The following RBFOX2 variants were observed in gnomAD, a reference collection of about 807,000 sequenced individuals.
The protein encoded by RBFOX2 is RNA binding protein fox-1 homolog 2.
RBFOX2 carries 10 observed loss-of-function variants against 49.1 expected under a neutral mutation model. The ratio of observed to expected loss-of-function variants is 0.20; its 90% confidence interval spans 0.13 to 0.35. RBFOX2 has a LOEUF of 0.35. RBFOX2 is among the 10% of genes least tolerant of loss of function. The pLI, the probability that RBFOX2 is intolerant of heterozygous loss-of-function variation, is 1.00. For missense variants in RBFOX2, 323 were observed against 486.9 expected, an observed-to-expected ratio of 0.66 and a Z score of 3.17; for synonymous variants, 183 against 187.4, an observed-to-expected ratio of 0.98 and a Z score of 0.19.
intron 1 of RBFOX2, among the ~76,000 whole-genome samples, chr22:35,821,240 A>G (rs1432989962): frequency 6.6e-6 from 1 of 151,766 alleles, no homozygotes; most frequent in Non-Finnish European, 1.5e-5. Flanking sequence ...TTTATTTTTT[A>G]TCTTTATCAA....
rs146476066 is a variant in RBFOX2 at position 35,880,504 on chromosome 22, A to G, written c.-34+58343T>C. 2.5e-4 allele frequency among the ~76,000 whole-genome samples: 38 copies of G among 152,328 alleles called. No individual in the cohort carries two copies. In the East Asian group the frequency reaches 6.2e-3, roughly 25 times the overall value. On this transcript the variant is annotated intron_variant, in intron 1 of 13. Coordinates refer to the RBFOX2 transcript ENST00000359369. The stretch of plus-strand genomic sequence containing the variant: ...AGAGGTATACATTTGAGAGCCAAGA[A>G]CATACAGACAGAATTTAACACCCAG...
intron 1 of RBFOX2, among the ~76,000 whole-genome samples, chr22:35,972,561 G>A (rs748021428): frequency 2.6e-5 from 4 of 152,044 alleles, no homozygotes; most frequent in Non-Finnish European, 5.9e-5. Context: ...TCCTTCCTAG[G>A]TCTCTATTTT....
upstream of RBFOX2, among the ~76,000 whole-genome samples, chr22:35,842,704 C>T (rs979401540): frequency 2.0e-5 from 3 of 152,068 alleles, no homozygotes; most frequent in Admixed American, 6.6e-5. Context: ...CAATGTCCCC[C>T]GCCCCCATCC....
intron 1 of RBFOX2, among the ~76,000 whole-genome samples, chr22:35,872,173 GT>G (rs1399275312): frequency 1.3e-5 from 2 of 152,154 alleles, no homozygotes; most frequent in Admixed American, 1.3e-4. Flanking sequence ...GTTAATGACT[GT>G]AAAATGCTTG....
chr22:35,879,883 C>T (rs922120964), intron 1 of RBFOX2, among the ~76,000 whole-genome samples: 12 of 152,276 alleles, frequency 7.9e-5, no homozygotes, highest in South Asian at 4.1e-4. Flanking sequence ...AGGATGGGCA[C>T]GGCAGCTCAC....
At chr22:35,752,454 C>CTGAG (rs1311716569) in intron 9 of RBFOX2, among the ~76,000 whole-genome samples, 5 of 152,244 alleles carry the variant, frequency 3.3e-5, no homozygotes, top group Non-Finnish European at 5.9e-5. Flanking sequence ...GTGGGCACTG[C>CTGAG]TGAGGTAGCA....
chr22:35,752,383 G>A (rs1213232686), intron 9 of RBFOX2, among the ~76,000 whole-genome samples: 2 of 152,216 alleles, frequency 1.3e-5, no homozygotes, highest in African/African-American at 4.8e-5. Context: ...GCTGGGATAT[G>A]TGTCAAGAGG....
intron 1 of RBFOX2, among the ~76,000 whole-genome samples, chr22:35,979,313 C>T (rs1445506593): frequency 6.6e-6 from 1 of 152,122 alleles, no homozygotes; most frequent in Non-Finnish European, 1.5e-5. Flanking sequence ...AGATACCGGA[C>T]CAAAAAGGAA....
chr22:35,816,225 T>G (rs539873176), intron 1 of RBFOX2, among the ~76,000 whole-genome samples: 1 of 152,286 alleles, frequency 6.6e-6, no homozygotes, highest in Non-Finnish European at 1.5e-5. Flanking sequence ...ATCCCAAATC[T>G]CCTTCCTTCA....
chr22:35,903,390 T>G (rs886490090), intron 1 of RBFOX2, among the ~76,000 whole-genome samples: 2 of 152,218 alleles, frequency 1.3e-5, no homozygotes, highest in Non-Finnish European at 2.9e-5. Context: ...CACTGGTTAC[T>G]GTTTCAGTAT....
At chr22:35,883,235 T>C (rs1265257430) in intron 1 of RBFOX2, among the ~76,000 whole-genome samples, 3 of 152,200 alleles carry the variant, frequency 2.0e-5, no homozygotes, top group African/African-American at 7.2e-5. Context: ...ACAGCCTCTT[T>C]TCATTTTGTA....
At chr22:35,850,193 TACACACACAC>T (rs58692076) in intron 1 of RBFOX2, among the ~76,000 whole-genome samples, 49 of 132,600 alleles carry the variant, frequency 3.7e-4, no homozygotes, top group Middle Eastern at 3.7e-3. Context: ...CTCTCTCTCA[TACACACACAC>T]ACACACACAC....
chr22:35,764,228 T>C (rs1023174988), intron 6 of RBFOX2, among the ~76,000 whole-genome samples: 2 of 152,168 alleles, frequency 1.3e-5, no homozygotes, highest in Admixed American at 6.5e-5. Context: ...GATACATTTC[T>C]CCTTGATTTA....
At chr22:35,819,405 A>AT (rs547165691) in intron 1 of RBFOX2, among the ~76,000 whole-genome samples, 94 of 152,046 alleles carry the variant, frequency 6.2e-4, no homozygotes, top group East Asian at 4.2e-3. Flanking sequence ...TCTAAATAAC[A>AT]TTTTTTTTGG....
intron 2 of RBFOX2, among the ~76,000 whole-genome samples, chr22:35,806,348 A>C (rs994714842): frequency 1.2e-4 from 19 of 152,194 alleles, no homozygotes; most frequent in African/African-American, 4.6e-4. Context: ...TAATTATAAT[A>C]GTGTATTGTT....
intron 2 of RBFOX2, among the ~76,000 whole-genome samples, chr22:35,803,258 T>G (rs1429939940): frequency 4.0e-5 from 6 of 151,050 alleles, no homozygotes; most frequent in Non-Finnish European, 8.8e-5. Context: ...CATTAAAAAA[T>G]TACAAGCATG....
intron 1 of RBFOX2, among the ~76,000 whole-genome samples, chr22:35,958,567 C>T (rs1051185042): frequency 1.3e-5 from 2 of 152,190 alleles, no homozygotes; most frequent in Non-Finnish European, 2.9e-5. Flanking sequence ...CCACCTACTA[C>T]TAGTGTCCTC....
intron 1 of RBFOX2, among the ~76,000 whole-genome samples, chr22:36,026,847 C>T (rs186563091): frequency 3.4e-4 from 52 of 152,298 alleles, no homozygotes; most frequent in African/African-American, 1.1e-3. Context: ...AAGAAGCATA[C>T]AACAAACATG....
At chr22:35,952,385 C>A (rs2055049761) in intron 1 of RBFOX2, among the ~76,000 whole-genome samples, 3 of 152,198 alleles carry the variant, frequency 2.0e-5, no homozygotes, top group Admixed American at 6.5e-5. Flanking sequence ...GTCTTGGAGA[C>A]CCCCCAAAAA....
Sources: allele counts gnomAD v4.1 joint callset (sites outside exome capture counted in the v4.1 genomes callset), GRCh38; gene constraint gnomAD v4.1.1; transcripts MANE v1.5; gene names NCBI Gene and HGNC (gene_info 2026-07-23, HGNC 2026-07-21).